DDX49: variants seen among roughly 807,000 people sequenced by gnomAD.
DDX49 encodes the protein DEAD-box helicase 49.
A neutral mutation model predicts 56.3 loss-of-function variants in DDX49; 50 were observed. That is an observed-to-expected ratio of 0.89 (90% confidence interval 0.71 to 1.12). The LOEUF (loss-of-function observed/expected upper bound fraction) is 1.12. Ranked by LOEUF, DDX49 falls within the 50% of genes most tolerant of loss-of-function variation. The pLI, the probability that DDX49 is intolerant of heterozygous loss-of-function variation, is 0.00. For missense variants in DDX49, 614 were observed against 650.5 expected, an observed-to-expected ratio of 0.94 and a Z score of 0.61; for synonymous variants, 269 against 270.6, an observed-to-expected ratio of 0.99 and a Z score of 0.06.
chr19:18,924,846 TG>T lies in DDX49; in HGVS notation c.930-34del, dbSNP rs781017140. The T allele has an allele frequency of 1.9e-6, 3 of 1,612,240 alleles. No homozygotes were observed. In the Admixed American group the frequency reaches 5.0e-5, roughly 27 times the overall value. On this transcript the variant is annotated intron_variant, in intron 8 of 12. Transcript: ENST00000247003. The stretch of plus-strand genomic sequence containing the variant: ...GAGTCCTTGCCTCGGTTTCCCCACA[TG>T]GACAGTGGAGCTGACCAGCCACCTC...
rs748048222 is a variant in DDX49 at position 18,922,522 on chromosome 19, A to G, written c.635+9A>G. On this transcript the variant is annotated intron_variant, in intron 5 of 12. Transcript: ENST00000247003. ...TGGGAAGCACAGGCCCCGTGAGTCC[A>G]CAGCCCAGACAGCGTGGGGAGGGCA... 5 of 1,597,190 alleles carry G rather than the reference A, an allele frequency of 3.1e-6. No homozygotes were observed. In the Admixed American group the frequency reaches 6.7e-5, roughly 21 times the overall value.
At chr19:18,920,469 TA>T in intron 1 of DDX49, 110 bp from the exon 2 acceptor site, 1 of 1,186,690 alleles carries the variant, frequency 8.4e-7, no homozygotes, top group South Asian at 1.7e-5. Context: ...GTCAAATGGA[TA>T]TGGGTTCCAG....
chr19:18,922,592 G>A lies in DDX49; in HGVS notation c.636-12G>A. ...GACACTGAGGCGTGGCGGTCTATCTGTCCATCCCCAGGGTGAGCACCGTGG... is the reference window on the plus strand; with the variant it reads ...GACACTGAGGCGTGGCGGTCTATCTATCCATCCCCAGGGTGAGCACCGTGG... On this transcript the variant is annotated splice_polypyrimidine_tract_variant and intron_variant, in intron 5 of 12. Transcript: ENST00000247003. 1 of 1,608,258 alleles carries A rather than the reference G, an allele frequency of 6.2e-7. No homozygotes were observed. Among genetic ancestry groups the A allele is most frequent in the Non-Finnish European group, 8.5e-7 (1 of 1,176,560 alleles).
In DDX49 at chr19:18,924,870, C is replaced by T. The variant is rs770238578; in HGVS notation, c.930-12C>T. The T allele has an allele frequency of 1.6e-5, 26 of 1,612,618 alleles. No homozygotes were observed. The highest frequency in any genetic ancestry group is 2.2e-5 in the Non-Finnish European group (26 of 1,179,976). ...ATGGACAGTGGAGCTGACCAGCCAC[C>T]TCTGCCTCCAGGGGCCTGGACATCC... On this transcript the variant is annotated splice_polypyrimidine_tract_variant and intron_variant, in intron 8 of 12. Coordinates refer to ENST00000247003, the MANE Select transcript of DDX49 (RefSeq NM_019070.5).
rs369608763 is a variant in DDX49, at chr19:18,920,629, G to C, written c.165G>C (p.Ala55=). 12 of 1,611,688 alleles carry C rather than the reference G, an allele frequency of 7.4e-6. No homozygotes were observed. Among genetic ancestry groups the C allele is most frequent in the Non-Finnish European group, 8.5e-6 (10 of 1,178,012 alleles). Residue 55 remains alanine (A), a synonymous_variant, in exon 2 of 13, where the codon GCG becomes GCC. Transcript: ENST00000247003. The stretch of plus-strand genomic sequence containing the variant: ...AGACAGGCAGTGGGAAGACAGCAGC[G>C]TTTGTCCTTCCCATCTTGCAGAAGC... ...CAKTGSGKTA[A]FVLPILQKLS...
chr19:18,922,383 C>G lies in DDX49; in HGVS notation c.505C>G (p.Leu169Val), dbSNP rs1421076405. Reference sequence around the variant, plus strand: ...GGGCTGCACTGACTTCACCGTGGACCTGGAGGCCATCCTGGCGGCTGTGCC... The same window carrying G: ...GGGCTGCACTGACTTCACCGTGGACGTGGAGGCCATCCTGGCGGCTGTGCC... Reference protein sequence around the residue: ...EQGCTDFTVDLEAILAAVPAR... With the variant: ...EQGCTDFTVDVEAILAAVPAR... Residue 169 changes from leucine (L) to valine (V), a missense_variant, in exon 5 of 13, where the codon CTG (leucine) becomes GTG (valine). By Grantham distance (32) the Leu-to-Val change is conservative (BLOSUM62 1). Coordinates refer to ENST00000247003, the MANE Select transcript of DDX49 (RefSeq NM_019070.5). 1 of 1,612,008 alleles carries G rather than the reference C, an allele frequency of 6.2e-7. No homozygotes were observed. The highest frequency in any genetic ancestry group is 8.5e-7 in the Non-Finnish European group (1 of 1,179,766).
chr19:18,925,688 A>G (rs1317780329), intron 9 of DDX49, among the ~76,000 whole-genome samples: 1 of 152,144 alleles, frequency 6.6e-6, no homozygotes, highest in Non-Finnish European at 1.5e-5. Context: ...GAGGGTGCAC[A>G]CACAGCTCCG....
Position 18,922,720 on chromosome 19 carries a change from T to G in DDX49, c.752T>G (p.Ile251Ser). The G allele has an allele frequency of 2.5e-6, 4 of 1,613,718 alleles. No homozygotes were observed. The highest frequency in any genetic ancestry group is 1.1e-5 in the South Asian group (1 of 91,086). The change falls in exon 6 of 13, where the codon ATT (isoleucine) becomes AGT (serine). Residue 251 changes from isoleucine (I) to serine (S), a missense_variant. Ile to Ser is a moderately radical substitution (Grantham distance 142, BLOSUM62 -2). Coordinates refer to ENST00000247003, the MANE Select transcript of DDX49 (RefSeq NM_019070.5). The part of the protein sequence containing the change: ...RFQDEHEDWS[I>S]IIFTNTCKTC... ...CAGGATGAGCACGAGGACTGGTCCATTATCATCTTCACCAACACGTGCAAG... is the reference window on the plus strand; with the variant it reads ...CAGGATGAGCACGAGGACTGGTCCAGTATCATCTTCACCAACACGTGCAAG...
At position 18,928,336 on chromosome 19, in the gene DDX49, C is replaced by G; in HGVS notation, c.*20C>G. On this transcript the variant is annotated 3_prime_UTR_variant, in exon 13 of 13. Transcript: ENST00000247003. Reference sequence around the variant, plus strand: ...GTCTGAGCCCCACACGGCCATCTGCCCAGTCCTTGACTCGTCCATGGAGCT... The same window carrying G: ...GTCTGAGCCCCACACGGCCATCTGCGCAGTCCTTGACTCGTCCATGGAGCT... 1 of 1,503,006 alleles carries G rather than the reference C, an allele frequency of 6.7e-7. No homozygotes were observed. The highest frequency in any genetic ancestry group is 8.9e-7 in the Non-Finnish European group (1 of 1,127,668). The allele number at this position is 1,503,006 out of a possible 1,614,324, so 93.1% of individuals were successfully genotyped here. A position where few individuals can be genotyped will look rare whatever the true frequency, so the allele number is the denominator to read the frequency against.
intron 7 of DDX49, 103 bp downstream of exon 7, chr19:18,924,411 C>A: frequency 8.5e-7 from 1 of 1,170,360 alleles, no homozygotes; most frequent in South Asian, 1.3e-5. Flanking sequence ...TTCCTGCCAC[C>A]TGGTCTCTTC....
intron 4 of DDX49, 172 bp downstream of exon 4, chr19:18,922,136 C>T: frequency 8.6e-7 from 1 of 1,166,750 alleles, no homozygotes; most frequent in Non-Finnish European, 1.2e-6. Flanking sequence ...AAGAGGGGGC[C>T]CAGTCCTAGC....
chr19:18,921,520 G>C, intron 2 of DDX49, 143 bp from the exon 3 acceptor site: 1 of 771,946 alleles, frequency 1.3e-6, no homozygotes, highest in South Asian at 1.6e-5. Flanking sequence ...TGGCCTCCAA[G>C]GCTCAGCATC....
rs1173763412 is a variant in DDX49, at chr19:18,926,322, C to G, written c.1047C>G (p.Ile349Met). ...CCACAGGGCGGCAGGGTCAGGCCATCACGCTGGTGACACAGTACGACATCC... is the reference window on the plus strand; with the variant it reads ...CCACAGGGCGGCAGGGTCAGGCCATGACGCTGGTGACACAGTACGACATCC... The part of the protein sequence containing the change: ...TARAGRQGQA[I>M]TLVTQYDIHL... The change falls in exon 10 of 13, where the codon ATC becomes ATG. Residue 349 changes from isoleucine (I) to methionine (M), a missense_variant. Coordinates refer to ENST00000247003, the MANE Select transcript of DDX49 (RefSeq NM_019070.5). 6.4e-7 allele frequency: 1 copy of G among 1,573,874 alleles called. No individual in the cohort carries two copies.
rs571599933 is a variant in DDX49 at position 18,919,739 on chromosome 19, A to G, written c.-3A>G. 1.4e-5 allele frequency: 22 copies of G among 1,608,092 alleles called. No individual in the cohort carries two copies. The highest frequency in any genetic ancestry group is 2.2e-5 in the South Asian group (2 of 90,976). ...CAAGGGGCCCCTACAAGCGGCCACA[A>G]GGATGGCAGGCTTCGCGGAGCTCGG... On this transcript the variant is annotated 5_prime_UTR_variant, in exon 1 of 13. Transcript: ENST00000247003.
Position 18,920,758 on chromosome 19 carries a change from CA to C in DDX49, c.239+57del. On this transcript the variant is annotated intron_variant, in intron 2 of 12. Coordinates refer to ENST00000247003, the MANE Select transcript of DDX49 (RefSeq NM_019070.5). ...GGTTAACCAGCTGTGCTCTCTTGGG[CA>C]AGCACCTTTCCCTCTCTGAGCGCCC... 5.2e-6 allele frequency: 8 copies of C among 1,533,760 alleles called. No individual in the cohort carries two copies. In the South Asian group the frequency reaches 8.5e-5, roughly 16 times the overall value.
chr19:18,922,121 C>G, intron 4 of DDX49, 157 bp downstream of exon 4: 1 of 1,227,256 alleles, frequency 8.1e-7, no homozygotes. Flanking sequence ...CGTTCAAGGA[C>G]CAACAAGAGG....
chr19:18,926,604 G>GA (rs2056963438), intron 10 of DDX49, among the ~76,000 whole-genome samples: 1 of 152,196 alleles, frequency 6.6e-6, no homozygotes, highest in Non-Finnish European at 1.5e-5. Flanking sequence ...CATCAGTCAG[G>GA]AGGGGACTTG....
rs2231994 is a variant in DDX49, at chr19:18,920,457, G to C, written c.116-123G>C. ...GGTGGTAGGAAGCTGTGGGCATCTC[G>C]GGTCAAATGGATATGGGTTCCAGTC... On this transcript the variant is annotated intron_variant, in intron 1 of 12. Coordinates refer to ENST00000247003, the MANE Select transcript of DDX49 (RefSeq NM_019070.5). The C allele has an allele frequency of 2.9e-6, 3 of 1,022,810 alleles. No individual in the cohort carries two copies. The African/African-American group carries it at 4.8e-5, about 16-fold the overall frequency. 63.4% of individuals were successfully genotyped at this position (1,022,810 alleles called of 1,614,324 possible).
At chr19:18,926,575 C>T (rs964305064) in intron 10 of DDX49, among the ~76,000 whole-genome samples, 198 bp downstream of exon 10, 1 of 152,148 alleles carries the variant, frequency 6.6e-6, no homozygotes, top group Non-Finnish European at 1.5e-5. Context: ...CCATAGTTGT[C>T]GCCAGCAGCT....
Sources: allele counts gnomAD v4.1 joint callset (sites outside exome capture counted in the v4.1 genomes callset), GRCh38; gene constraint gnomAD v4.1.1; transcripts MANE v1.5; gene names NCBI Gene and HGNC (gene_info 2026-07-23, HGNC 2026-07-21).